The following PUM1 variants were observed in gnomAD, a reference collection of about 807,000 sequenced individuals.
The protein encoded by PUM1 is pumilio homolog 1.
Under a neutral mutation model 131.8 loss-of-function variants are expected in PUM1, and 13 were observed. The ratio of observed to expected loss-of-function variants is 0.10; its 90% CI spans 0.06 to 0.16. PUM1 has a LOEUF of 0.16. PUM1 is among the 10% of genes least tolerant of loss of function. The pLI is 1.00. For synonymous variants in PUM1, 509 were observed against 556.5 expected (o/e 0.91, Z 1.20); for missense variants, 961 against 1,512.4 (o/e 0.64, Z 6.05).
chr1:31,004,069 A>G (rs1642312700), intron 5 of PUM1, among the ~76,000 whole-genome samples: 1 of 152,206 alleles, frequency 6.6e-6, no homozygotes, highest in Non-Finnish European at 1.5e-5. Flanking sequence ...GGCCCCATCT[A>G]TCTAGCCTGA....
In PUM1 at chr1:31,005,836, T is replaced by G; in HGVS notation, c.720+17A>C. 1.3e-6 allele frequency: 2 copies of G among 1,564,242 alleles called. No homozygotes were observed. The highest frequency in any genetic ancestry group is 1.2e-5 in the South Asian group (1 of 83,250). ...GAGAGAGAGAGAGATAGGAACAAGTTCCTCAAGCCAACTTACAAATCCTCC... is the reference window on the plus strand; with the variant it reads ...GAGAGAGAGAGAGATAGGAACAAGTGCCTCAAGCCAACTTACAAATCCTCC... On this transcript the variant is annotated intron_variant, in intron 5 of 21. Coordinates refer to ENST00000426105, the MANE Select transcript of PUM1 (RefSeq NM_001020658.2).
At chr1:31,054,381 C>T (rs1245583740) in intron 2 of PUM1, among the ~76,000 whole-genome samples, 3 of 151,796 alleles carry the variant, frequency 2.0e-5, no homozygotes, top group African/African-American at 4.8e-5. Flanking sequence ...GGAGTAATTA[C>T]GAGAGAAATA....
At chr1:30,966,389 C>T (rs1391240446) in intron 12 of PUM1, 111 bp from the exon 13 acceptor site, 24 of 1,043,180 alleles carry the variant, frequency 2.3e-5, no homozygotes, top group Middle Eastern at 6.4e-4. Flanking sequence ...CTTTTCAAAA[C>T]AGACACAAAC....
intron 3 of PUM1, among the ~76,000 whole-genome samples, chr1:31,019,671 A>C (rs1469013569): frequency 6.6e-6 from 1 of 152,224 alleles, no homozygotes; most frequent in Non-Finnish European, 1.5e-5. Flanking sequence ...CTGAAAGTAA[A>C]GGTTTCTTTA....
In PUM1 at chr1:31,065,569, T is replaced by C. The variant is rs1570389572; in HGVS notation, c.-12+47A>G. Reference sequence around the variant, plus strand: ...CAATATGAAGGGACAATCTGCTCGTTAGGGGTCCGGAGCAGCGTTTGGGGC... The same window carrying C: ...CAATATGAAGGGACAATCTGCTCGTCAGGGGTCCGGAGCAGCGTTTGGGGC... On this transcript the variant is annotated intron_variant, in intron 1 of 21. Transcript: ENST00000426105. 16 of 1,531,348 alleles carry C rather than the reference T, an allele frequency of 1.0e-5. No individual in the cohort carries two copies. The East Asian group carries it at 2.0e-4, about 19-fold the overall frequency. The allele number at this position is 1,531,348 out of a possible 1,614,324, so 94.9% of individuals were successfully genotyped here. A position where few individuals can be genotyped will look rare whatever the true frequency, so the allele number is the denominator to read the frequency against.
intron 5 of PUM1, among the ~76,000 whole-genome samples, chr1:30,997,893 G>A (rs1177961424): frequency 6.7e-6 from 1 of 149,696 alleles, no homozygotes; most frequent in Non-Finnish European, 1.5e-5. Flanking sequence ...TGACTGCTAA[G>A]TTACACTTTC....
intron 3 of PUM1, among the ~76,000 whole-genome samples, chr1:31,022,692 T>C (rs985156163): frequency 6.6e-6 from 1 of 152,194 alleles, no homozygotes; most frequent in African/African-American, 2.4e-5. Context: ...AAAAGGTCAC[T>C]TTACCTCTAA....
chr1:31,035,324 C>T (rs1336263542), intron 2 of PUM1, among the ~76,000 whole-genome samples: 6 of 151,230 alleles, frequency 4.0e-5, no homozygotes, highest in African/African-American at 1.5e-4. Context: ...GCCCGAGAGG[C>T]GGAGGTTGCA....
At chr1:31,029,981 C>T (rs929796028) in intron 2 of PUM1, among the ~76,000 whole-genome samples, 1 of 149,548 alleles carries the variant, frequency 6.7e-6, no homozygotes, top group East Asian at 2.0e-4. Context: ...TTTGGGAGGG[C>T]GAGGCAGGAG....
At chr1:30,943,217 A>C (rs144069865) in intron 18 of PUM1, among the ~76,000 whole-genome samples, 256 of 152,274 alleles carry the variant, frequency 1.7e-3, no homozygotes, top group Non-Finnish European at 1.0e-3. Context: ...GTTCATTTAC[A>C]ATACTGTGAG....
chr1:30,979,989 A>G (rs1411261380), intron 9 of PUM1, 73 bp downstream of exon 9: 7 of 1,037,362 alleles, frequency 6.7e-6, no homozygotes, highest in Non-Finnish European at 9.8e-6. Flanking sequence ...GGGAAAGAGT[A>G]TAAAGAATGC....
At chr1:30,996,414 G>A (rs2124492346) in intron 5 of PUM1, among the ~76,000 whole-genome samples, 1 of 152,316 alleles carries the variant, frequency 6.6e-6, no homozygotes, top group South Asian at 2.1e-4. Flanking sequence ...CTGTGGACAG[G>A]CCTGTAGATC....
chr1:31,006,146 A>C, intron 4 of PUM1, 115 bp from the exon 5 acceptor site: 1 of 799,060 alleles, frequency 1.3e-6, no homozygotes, highest in Non-Finnish European at 1.9e-6. Context: ...CAGTTGAGCC[A>C]AAACCTCCTA....
chr1:30,963,069 A>C (rs1355785980), intron 14 of PUM1, among the ~76,000 whole-genome samples: 3 of 152,180 alleles, frequency 2.0e-5, no homozygotes, highest in African/African-American at 4.8e-5. Context: ...CTTGATTCTA[A>C]ATCTGTTCAA....
chr1:31,002,791 C>A (rs930307953), intron 5 of PUM1, among the ~76,000 whole-genome samples: 2 of 152,158 alleles, frequency 1.3e-5, no homozygotes, highest in African/African-American at 2.4e-5. Context: ...ATGCTCAGAA[C>A]AAAATATGGT....
At chr1:30,942,500 G>C (rs1172659744) in intron 18 of PUM1, among the ~76,000 whole-genome samples, 4 of 151,770 alleles carry the variant, frequency 2.6e-5, no homozygotes, top group Non-Finnish European at 5.9e-5. Context: ...GAAAAGGGAA[G>C]GACTGGGACC....
intron 2 of PUM1, among the ~76,000 whole-genome samples, chr1:31,038,331 T>C (rs936941210): frequency 6.6e-6 from 1 of 152,178 alleles, no homozygotes; most frequent in African/African-American, 2.4e-5. Context: ...AACTTTAACC[T>C]GCGATTACTT....
chr1:30,932,640 TA>T lies in PUM1; in HGVS notation c.*570del, dbSNP rs1177006322. 7 of 16,286 alleles carry T rather than the reference TA, an allele frequency of 4.3e-4. No individual in the cohort carries two copies. In the East Asian group the frequency reaches 0.025, roughly 59 times the overall value. 1.0% of individuals were successfully genotyped at this position (16,286 alleles called of 1,614,324 possible). A position where few individuals can be genotyped will look rare whatever the true frequency, so the allele number is the denominator to read the frequency against. The stretch of plus-strand genomic sequence containing the variant: ...TTAGCAACTCTGAAACCTTTTTCAT[TA>T]TATATATATATATATATATATATAT... On this transcript the variant is annotated 3_prime_UTR_variant, in exon 22 of 22. Coordinates refer to ENST00000426105, the MANE Select transcript of PUM1 (RefSeq NM_001020658.2).
At chr1:30,970,819 A>T (rs1360394450) in intron 10 of PUM1, among the ~76,000 whole-genome samples, 3 of 152,222 alleles carry the variant, frequency 2.0e-5, no homozygotes, top group Admixed American at 6.5e-5. Flanking sequence ...AAGATTTTAA[A>T]AAACAATGAA....
Sources: allele counts gnomAD v4.1 joint callset (sites outside exome capture counted in the v4.1 genomes callset), GRCh38; gene constraint gnomAD v4.1.1; transcripts MANE v1.5; gene names NCBI Gene and HGNC (gene_info 2026-07-23, HGNC 2026-07-21).